The following RARB variants were observed in gnomAD, a reference collection of about 807,000 sequenced individuals.
RARB encodes the protein retinoic acid receptor beta.
RARB carries 17 observed loss-of-function variants against 51.9 expected under a neutral mutation model. The observed-to-expected ratio is 0.33, with a 90% CI of 0.22 to 0.49. The LOEUF (loss-of-function observed/expected upper bound fraction) is 0.49, where lower values mean the gene tolerates loss of function less well. RARB is among the 20% of genes least tolerant of loss of function. RARB has a pLI of 0.99. For missense variants in RARB, 369 were observed against 550.8 expected, an observed-to-expected ratio of 0.67 and a Z score of 3.30; for synonymous variants, 215 against 195.4, an observed-to-expected ratio of 1.10 and a Z score of -0.84.
At chr3:25,335,019 G>C (rs322685) in intron 5 of RARB, among the ~76,000 whole-genome samples, 1 of 152,022 alleles carries the variant, frequency 6.6e-6, no homozygotes, top group Non-Finnish European at 1.5e-5. Flanking sequence ...GGTTAGAGGA[G>C]TCAAGAGCAT....
chr3:25,437,115 A>T (rs74471895), intron 1 of RARB, among the ~76,000 whole-genome samples: 1 of 135,940 alleles, frequency 7.4e-6, no homozygotes, highest in South Asian at 2.5e-4. Flanking sequence ...GCTAAAAGCA[A>T]ACTTTTTTTT....
intron 3 of RARB, among the ~76,000 whole-genome samples, chr3:25,531,365 T>C (rs1365585559): frequency 7.6e-6 from 1 of 131,268 alleles, no homozygotes; most frequent in Non-Finnish European, 1.6e-5. Flanking sequence ...GATATACAGA[T>C]AGATAGGTAG....
chr3:25,327,884 T>C (rs528346941), intron 5 of RARB, among the ~76,000 whole-genome samples: 1 of 152,288 alleles, frequency 6.6e-6, no homozygotes, highest in South Asian at 2.1e-4. Flanking sequence ...TAAGAGTAGG[T>C]GTATAAGCAA....
intron 2 of RARB, among the ~76,000 whole-genome samples, chr3:24,985,499 A>C (rs1177667044): frequency 1.3e-5 from 2 of 152,198 alleles, no homozygotes; most frequent in East Asian, 1.9e-4. Flanking sequence ...GTAACTTTGC[A>C]CAAAGCAATT....
intron 5 of RARB, among the ~76,000 whole-genome samples, chr3:25,237,304 G>A (rs1162182652): frequency 6.6e-6 from 1 of 152,064 alleles, no homozygotes; most frequent in Non-Finnish European, 1.5e-5. Flanking sequence ...TCCCAAAGCA[G>A]CATTATAAAA....
chr3:25,274,292 C>T (rs182088512), intron 5 of RARB, among the ~76,000 whole-genome samples: 13 of 152,120 alleles, frequency 8.5e-5, no homozygotes, highest in Admixed American at 7.9e-4. Context: ...CTAACAACAC[C>T]TCTCAATTTG....
intron 1 of RARB, among the ~76,000 whole-genome samples, chr3:24,835,150 T>G (rs1702328119): frequency 6.6e-6 from 1 of 152,200 alleles, no homozygotes; most frequent in Admixed American, 6.5e-5. Flanking sequence ...CAGCATTGCT[T>G]TTGCCTTTTG....
At chr3:25,532,114 G>A (rs1358773553) in intron 3 of RARB, among the ~76,000 whole-genome samples, 3 of 152,154 alleles carry the variant, frequency 2.0e-5, no homozygotes, top group Admixed American at 2.0e-4. Context: ...AATGTGTAAT[G>A]TTGTGGCATT....
Position 24,949,479 on chromosome 3 carries a change from A to C in RARB, c.-380+90727A>C, listed in dbSNP as rs192499177. 2.6e-3 allele frequency among the ~76,000 whole-genome samples: 392 copies of C among 152,300 alleles called. 2 individuals carry two copies. Among genetic ancestry groups the C allele is most frequent in the African/African-American group, 8.7e-3 (362 of 41,570 alleles). Reference sequence around the variant, plus strand: ...TGTTAAAATAACTAACTTCATAGCAATTTAAGGTTTGTAATGTGATTTCAC... The same window carrying C: ...TGTTAAAATAACTAACTTCATAGCACTTTAAGGTTTGTAATGTGATTTCAC... On this transcript the variant is annotated intron_variant, in intron 2 of 11. Coordinates refer to the RARB transcript ENST00000383772.
At chr3:25,385,514 G>A (rs897919578) in intron 5 of RARB, among the ~76,000 whole-genome samples, 5 of 152,126 alleles carry the variant, frequency 3.3e-5, no homozygotes, top group African/African-American at 1.2e-4. Flanking sequence ...TTCAGTCGGA[G>A]GCCCCCAAAT....
chr3:25,373,459 C>A (rs1333816469), intron 5 of RARB, among the ~76,000 whole-genome samples: 3 of 152,140 alleles, frequency 2.0e-5, no homozygotes, highest in Non-Finnish European at 4.4e-5. Flanking sequence ...TTCTGAGACA[C>A]TGCTTTTGTT....
At chr3:25,108,704 A>T (rs764952488) in intron 3 of RARB, among the ~76,000 whole-genome samples, 3 of 152,240 alleles carry the variant, frequency 2.0e-5, no homozygotes, top group Non-Finnish European at 4.4e-5. Context: ...CACTTTTGAC[A>T]ATTCCAAAGC....
chr3:25,437,589 C>T (rs983705671), intron 1 of RARB, among the ~76,000 whole-genome samples: 6 of 152,140 alleles, frequency 3.9e-5, no homozygotes, highest in African/African-American at 1.4e-4. Flanking sequence ...AAAAATCTCC[C>T]CATGTCTTTG....
intron 3 of RARB, among the ~76,000 whole-genome samples, chr3:25,528,761 C>A (rs1294766894): frequency 2.0e-5 from 3 of 152,038 alleles, no homozygotes; most frequent in African/African-American, 7.2e-5. Flanking sequence ...CCTCTATTTG[C>A]ATCTGTCCAG....
intron 5 of RARB, among the ~76,000 whole-genome samples, chr3:25,289,278 A>G (rs1703728024): frequency 6.6e-6 from 1 of 152,192 alleles, no homozygotes; most frequent in Non-Finnish European, 1.5e-5. Context: ...TTGAAATGAG[A>G]TCTGTGTGTA....
At chr3:25,188,426 C>G (rs1050396193) in intron 5 of RARB, among the ~76,000 whole-genome samples, 2 of 152,078 alleles carry the variant, frequency 1.3e-5, no homozygotes, top group African/African-American at 4.8e-5. Context: ...CTAGCTAAAT[C>G]AAGATCAAAA....
chr3:25,229,270 C>T (rs934509338), intron 5 of RARB, among the ~76,000 whole-genome samples: 1 of 151,714 alleles, frequency 6.6e-6, no homozygotes, highest in Non-Finnish European at 1.5e-5. Flanking sequence ...TTTTTTATTC[C>T]TTTTATTCAC....
At chr3:24,830,812 GGA>G (rs1440312847) in intron 1 of RARB, among the ~76,000 whole-genome samples, 1 of 151,876 alleles carries the variant, frequency 6.6e-6, no homozygotes, top group African/African-American at 2.4e-5. Context: ...AAACCGAATG[GGA>G]GAGAGTCGAG....
intron 3 of RARB, among the ~76,000 whole-genome samples, chr3:25,553,522 G>A (rs1699928581): frequency 6.6e-6 from 1 of 152,144 alleles, no homozygotes; most frequent in Non-Finnish European, 1.5e-5. Context: ...AAGAATTGTG[G>A]AAGAACTCTC....
Sources: gnomAD v4.1 joint callset for allele counts (sites outside exome capture counted in the v4.1 genomes callset) on GRCh38, gnomAD v4.1.1 for gene constraint, MANE v1.5 for transcripts, NCBI Gene and HGNC (gene_info 2026-07-23, HGNC 2026-07-21) for gene names.